TRAF4: variants seen among roughly 807,000 people sequenced by gnomAD.
The protein encoded by TRAF4 is TNF receptor-associated factor 4.
Under a neutral mutation model 47.3 loss-of-function variants are expected in TRAF4, and 9 were observed. That is an observed-to-expected ratio of 0.19 (90% confidence interval 0.11 to 0.33). The LOEUF (loss-of-function observed/expected upper bound fraction) is 0.33, where lower values mean the gene tolerates loss of function less well. TRAF4 is among the 10% of genes least tolerant of loss of function. TRAF4 has a pLI of 1.00. For missense variants in TRAF4, 448 were observed against 620.3 expected (o/e 0.72, Z 2.95); for synonymous variants, 236 against 236.9 (o/e 1.00, Z 0.04).
In TRAF4 at chr17:28,749,546, CTGT is replaced by C; in HGVS notation, c.1385_1387del (p.Val462del). ...GATGATGCAGTCTTCATCCGTGCTG[CTGT>C]TGAACTGCCCCGGAAGATCCTCAGC... On this transcript the variant is annotated inframe_deletion, in exon 7 of 7. Coordinates refer to ENST00000262395, the MANE Select transcript of TRAF4 (RefSeq NM_004295.4). The C allele has an allele frequency of 6.2e-7, 1 of 1,613,326 alleles. No individual in the cohort carries two copies. The highest frequency in any genetic ancestry group is 8.5e-7 in the Non-Finnish European group (1 of 1,179,772).
chr17:28,745,816 C>G (rs993925863), intron 1 of TRAF4, among the ~76,000 whole-genome samples: 1 of 152,106 alleles, frequency 6.6e-6, no homozygotes, highest in Admixed American at 6.5e-5. Flanking sequence ...GGCTGGGCCC[C>G]AAGCTGCAGG....
rs897980084 is a variant in TRAF4, at chr17:28,750,819, C to T, written c.*1242C>T. 20 of 152,210 alleles carry T rather than the reference C, an allele frequency of 1.3e-4. No homozygotes were observed. Among genetic ancestry groups the T allele is most frequent in the African/African-American group, 4.8e-4 (20 of 41,456 alleles). 9.4% of individuals were successfully genotyped at this position (152,210 alleles called of 1,614,324 possible). On this transcript the variant is annotated 3_prime_UTR_variant, in exon 7 of 7. Transcript: ENST00000262395. ...TAGTCCCTAGAAATTGTAGCTCCCT[C>T]TAGTTGTGGCAATAGGTGTGGGTCC...
rs759545463 is a variant in TRAF4 at position 28,749,046 on chromosome 17, G to T, written c.882G>T (p.Glu294Asp). Reference protein sequence around the residue: ...LVSRQRQELQELRRELEELSV... With the variant: ...LVSRQRQELQDLRRELEELSV... ...GCCGGCAACGGCAGGAGCTGCAGGAGCTTCGGCGAGAGCTGGAGGAGCTAT... is the reference window on the plus strand; with the variant it reads ...GCCGGCAACGGCAGGAGCTGCAGGATCTTCGGCGAGAGCTGGAGGAGCTAT... Residue 294 changes from glutamate to aspartate, a missense_variant, in exon 7 of 7, where the codon GAG becomes GAT. Glu to Asp is a conservative substitution (Grantham distance 45). Coordinates refer to ENST00000262395, the MANE Select transcript of TRAF4 (RefSeq NM_004295.4). 3.7e-6 allele frequency: 6 copies of T among 1,613,884 alleles called. No homozygotes were observed. Among genetic ancestry groups the T allele is most frequent in the Non-Finnish European group, 5.1e-6 (6 of 1,180,052 alleles).
chr17:28,749,567 T>A lies in TRAF4; in HGVS notation c.1403T>A (p.Ile468Asn). ...IRAAVELPRK[I>N]LS ...GCTGCTGTTGAACTGCCCCGGAAGATCCTCAGCTGAGTGCAGGTGGGGTTC... is the reference window on the plus strand; with the variant it reads ...GCTGCTGTTGAACTGCCCCGGAAGAACCTCAGCTGAGTGCAGGTGGGGTTC... Residue 468 changes from isoleucine to asparagine, a missense_variant, in exon 7 of 7, where the codon ATC (isoleucine) becomes AAC (asparagine). By Grantham distance (149) the Ile-to-Asn change is moderately radical. Coordinates refer to ENST00000262395, the MANE Select transcript of TRAF4 (RefSeq NM_004295.4). 6.2e-7 allele frequency: 1 copy of A among 1,611,506 alleles called. No individual in the cohort carries two copies. Among genetic ancestry groups the A allele is most frequent in the East Asian group, 2.2e-5 (1 of 44,854 alleles).
chr17:28,744,479 G>T (rs926497739), intron 1 of TRAF4, among the ~76,000 whole-genome samples: 1 of 152,148 alleles, frequency 6.6e-6, no homozygotes, highest in Non-Finnish European at 1.5e-5. Flanking sequence ...CCGGCCCGGG[G>T]CGGAAGACCT....
At position 28,746,362 on chromosome 17, in the gene TRAF4, T is replaced by A. The variant is rs2034513079; in HGVS notation, c.144-851T>A. 2.0e-5 allele frequency among the ~76,000 whole-genome samples: 3 copies of A among 152,196 alleles called. 1 individual carries two copies. The South Asian group carries it at 6.2e-4, about 31-fold the overall frequency. ...AGAAAGAAGCATGCCAACAGGCTCCTTGGGTGCTGACGGCCAGGTAGGGTT... is the reference window on the plus strand; with the variant it reads ...AGAAAGAAGCATGCCAACAGGCTCCATGGGTGCTGACGGCCAGGTAGGGTT... On this transcript the variant is annotated intron_variant, in intron 1 of 6. Transcript: ENST00000262395.
At chr17:28,745,898 AT>A (rs1162284357) in intron 1 of TRAF4, among the ~76,000 whole-genome samples, 1 of 150,958 alleles carries the variant, frequency 6.6e-6, no homozygotes, top group Non-Finnish European at 1.5e-5. Context: ...CAGTCAGCAC[AT>A]TCCTGAAGCA....
At position 28,747,218 on chromosome 17, in the gene TRAF4, G is replaced by A. The variant is rs1231940821; in HGVS notation, c.149G>A (p.Gly50Glu). 2 of 1,613,664 alleles carry A rather than the reference G, an allele frequency of 1.2e-6. No homozygotes were observed. The highest frequency in any genetic ancestry group is 1.7e-6 in the Non-Finnish European group (2 of 1,179,812). The change falls in exon 2 of 7, where the codon GGA (glycine) becomes GAA (glutamate). Residue 50 changes from glycine to glutamate, a missense_variant. By Grantham distance (98) the Gly-to-Glu change is moderately conservative. Transcript: ENST00000262395. Reference sequence around the variant, plus strand: ...CTGCCCCTCCCCCATTTCAGTGAAGGAGTCTTCAAGTGCCCTGAGGACCAG... The same window carrying A: ...CTGCCCCTCCCCCATTTCAGTGAAGAAGTCTTCAAGTGCCCTGAGGACCAG... ...DTCLQEFLSE[G>E]VFKCPEDQLP...
rs370726398 is a variant in TRAF4, at chr17:28,749,290, A to C, written c.1126A>C (p.Asn376His). Reference protein sequence around the residue: ...YIRVLPGAFDNLLEWPFARRV... With the variant: ...YIRVLPGAFDHLLEWPFARRV... The stretch of plus-strand genomic sequence containing the variant: ...TCGTGTGCTGCCTGGTGCCTTTGAC[A>C]ATCTCCTTGAGTGGCCCTTTGCCCG... Residue 376 changes from asparagine to histidine, a missense_variant, in exon 7 of 7, where the codon AAT (asparagine) becomes CAT (histidine). Asn to His is a moderately conservative substitution (Grantham distance 68). Coordinates refer to ENST00000262395, the MANE Select transcript of TRAF4 (RefSeq NM_004295.4). The C allele has an allele frequency of 3.7e-6, 6 of 1,613,968 alleles. No individual in the cohort carries two copies. The highest frequency in any genetic ancestry group is 5.1e-6 in the Non-Finnish European group (6 of 1,180,046).
At position 28,744,215 on chromosome 17, in the gene TRAF4, G is replaced by C. The variant is rs1272776446; in HGVS notation, c.103G>C (p.Gly35Arg). Residue 35 changes from glycine to arginine, a missense_variant, in exon 1 of 7, where the codon GGC becomes CGC. Coordinates refer to ENST00000262395, the MANE Select transcript of TRAF4 (RefSeq NM_004295.4). ...CGAGCCTGTGCAGGTTTCCACCTGCGGCCACCGTTTCTGCGATACCTGCCT... is the reference window on the plus strand; with the variant it reads ...CGAGCCTGTGCAGGTTTCCACCTGCCGCCACCGTTTCTGCGATACCTGCCT... The part of the protein sequence containing the change: ...MREPVQVSTC[G>R]HRFCDTCLQE... The C allele has an allele frequency of 1.3e-6, 2 of 1,584,052 alleles. No homozygotes were observed. The highest frequency in any genetic ancestry group is 4.6e-5 in the East Asian group (2 of 43,484).
chr17:28,749,965 C>A lies in TRAF4; in HGVS notation c.*388C>A, dbSNP rs1331245587. The A allele has an allele frequency of 8.9e-6, 6 of 670,922 alleles. No homozygotes were observed. The highest frequency in any genetic ancestry group is 1.5e-5 in the South Asian group (1 of 64,842). The allele number at this position is 670,922 out of a possible 1,614,324, so 41.6% of individuals were successfully genotyped here. On this transcript the variant is annotated 3_prime_UTR_variant, in exon 7 of 7. Transcript: ENST00000262395. ...TAGTTCAAAGAGTCTGTCTTGAGAT[C>A]TGATTTTTTCCCCCTTTACCTAGCT...
rs1468480090 is a variant in TRAF4 at position 28,748,686 on chromosome 17, G to C, written c.780+20G>C. 1 of 1,605,192 alleles carries C rather than the reference G, an allele frequency of 6.2e-7. No individual in the cohort carries two copies. The highest frequency in any genetic ancestry group is 1.1e-5 in the South Asian group (1 of 90,988). ...CACAGGGTGAGATGCCCCTTTTCCTGTCAGCCCCCTTTTGCCCTTGAAGCC... is the reference window on the plus strand; with the variant it reads ...CACAGGGTGAGATGCCCCTTTTCCTCTCAGCCCCCTTTTGCCCTTGAAGCC... On this transcript the variant is annotated intron_variant, in intron 6 of 6. Transcript: ENST00000262395.
Position 28,744,156 on chromosome 17 carries a change from G to C in TRAF4, c.44G>C (p.Arg15Pro), listed in dbSNP as rs752558877. 3 of 1,594,192 alleles carry C rather than the reference G, an allele frequency of 1.9e-6. No homozygotes were observed. The highest frequency in any genetic ancestry group is 2.5e-6 in the Non-Finnish European group (3 of 1,177,698). Residue 15 changes from arginine to proline, a missense_variant, in exon 1 of 7, where the codon CGG becomes CCG. By Grantham distance (103) the Arg-to-Pro change is moderately radical. Coordinates refer to ENST00000262395, the MANE Select transcript of TRAF4 (RefSeq NM_004295.4). ...AAGTTCCTGGAGAAGCCCAAGCGAC[G>C]GCTGCTGTGCCCACTGTGCGGGAAG... is the stretch of plus-strand genomic sequence containing the variant. Reference protein sequence around the residue: ...DYKFLEKPKRRLLCPLCGKPM... With the variant: ...DYKFLEKPKRPLLCPLCGKPM...
rs1053288527 is a variant in TRAF4, at chr17:28,748,305, A to G, written c.506A>G (p.Asn169Ser). ...MCPQESVYCENKCGARMMRRL... is the reference protein window; with the variant it reads ...MCPQESVYCESKCGARMMRRL... ...CCCCAGGAGAGTGTCTACTGTGAGA[A>G]TAAGTGTGGTGCCCGCATGATGCGG... Residue 169 changes from asparagine (N) to serine (S), a missense_variant, in exon 5 of 7, where the codon AAT becomes AGT. Asn to Ser is a conservative substitution (Grantham distance 46). Coordinates refer to ENST00000262395, the MANE Select transcript of TRAF4 (RefSeq NM_004295.4). The G allele has an allele frequency of 4.3e-6, 7 of 1,613,788 alleles. No homozygotes were observed. The African/African-American group carries it at 6.7e-5, about 15-fold the overall frequency.
At position 28,749,223 on chromosome 17, in the gene TRAF4, T is replaced by C. The variant is rs373425358; in HGVS notation, c.1059T>C (p.Asn353=). The C allele has an allele frequency of 2.5e-5, 41 of 1,614,018 alleles. No homozygotes were observed. The highest frequency in any genetic ancestry group is 1.1e-4 in the South Asian group (10 of 91,092). ...AGCTGCAGGTGTCTGCATTCCTCAA[T>C]GGCAATGGCAGTGGTGAGGGCACAC... ...GYKLQVSAFL[N]GNGSGEGTHL... Residue 353 remains asparagine, a synonymous_variant, in exon 7 of 7, where the codon AAT becomes AAC. Coordinates refer to ENST00000262395, the MANE Select transcript of TRAF4 (RefSeq NM_004295.4).
Position 28,744,068 on chromosome 17 carries a change from GC to G in TRAF4, c.-43del. On this transcript the variant is annotated 5_prime_UTR_variant, in exon 1 of 7. Coordinates refer to ENST00000262395, the MANE Select transcript of TRAF4 (RefSeq NM_004295.4). ...CCAGCGAGGCGCGGGCTGTGGGGCCGCCGCGTGCCTGGCCCCGCTCGCCCGT... is the reference window on the plus strand; with the variant it reads ...CCAGCGAGGCGCGGGCTGTGGGGCCGCGCGTGCCTGGCCCCGCTCGCCCGT... 7.5e-7 allele frequency: 1 copy of G among 1,331,066 alleles called. No homozygotes were observed. The highest frequency in any genetic ancestry group is 1.4e-5 in the South Asian group (1 of 69,682). 82.5% of individuals were successfully genotyped at this position (1,331,066 alleles called of 1,614,324 possible). A position where few individuals can be genotyped will look rare whatever the true frequency, so the allele number is the denominator to read the frequency against.
In TRAF4 at chr17:28,749,127, A is replaced by G; in HGVS notation, c.963A>G (p.Leu321=). ...AGATTGGCAGCTATGGACGGCGGCT[A>G]CAGGAGGCCAAGGCCAAGCCCAACC... ...IWKIGSYGRR[L]QEAKAKPNLE... Residue 321 remains leucine (L), a synonymous_variant, in exon 7 of 7, where the codon CTA becomes CTG. Coordinates refer to ENST00000262395, the MANE Select transcript of TRAF4 (RefSeq NM_004295.4). 6.2e-7 allele frequency: 1 copy of G among 1,614,092 alleles called. No homozygotes were observed. Among genetic ancestry groups the G allele is most frequent in the South Asian group, 1.1e-5 (1 of 91,084 alleles).
chr17:28,747,981 T>C (rs769779832), intron 3 of TRAF4, 34 bp downstream of exon 3: 1 of 1,614,140 alleles, frequency 6.2e-7, no homozygotes, highest in South Asian at 1.1e-5. Context: ...GCACCACCTC[T>C]CCCTTGGCAG....
intron 6 of TRAF4, 58 bp from the exon 7 acceptor site, chr17:28,748,887 A>C (rs2034557303): frequency 6.5e-7 from 1 of 1,548,944 alleles, no homozygotes; most frequent in African/African-American, 1.4e-5. Context: ...CTCTCCCTGG[A>C]CCTCCCCCTA....
Sources: gnomAD v4.1 joint callset for allele counts (sites outside exome capture counted in the v4.1 genomes callset) on GRCh38, gnomAD v4.1.1 for gene constraint, MANE v1.5 for transcripts, NCBI Gene and HGNC (gene_info 2026-07-23, HGNC 2026-07-21) for gene names.